Variants in MRTFA observed in about 807,000 individuals in gnomAD.
MRTFA encodes myocardin-related transcription factor A.
In MRTFA, 20 loss-of-function variants were observed where a neutral mutation model predicts 83.5. The ratio of observed to expected loss-of-function variants is 0.24; its 90% CI spans 0.17 to 0.35. MRTFA has a LOEUF of 0.35. MRTFA is among the 10% of genes least tolerant of loss of function. The pLI is 1.00. For missense variants in MRTFA, 1,200 were observed against 1,224.7 expected (o/e 0.98, Z 0.30); for synonymous variants, 659 against 541.2 (o/e 1.22, Z -3.02).
Position 40,421,082 on chromosome 22 carries a change from C to A in MRTFA, c.946G>T (p.Ala316Ser), listed in dbSNP as rs1164552451. The change falls in exon 10 of 15, where the codon GCC becomes TCC. Residue 316 changes from alanine to serine, a missense_variant. This residue lies in a region of MRTFA where 1,107 missense variants were observed against 1,041.8 expected (regional missense o/e 1.06). Transcript: ENST00000355630. ...TTGCTGCGCTGTGACTTCTCACTGGCAGACTTGGGTTGGCTTTGCTGAGGG... is the reference window on the plus strand; with the variant it reads ...TTGCTGCGCTGTGACTTCTCACTGGAAGACTTGGGTTGGCTTTGCTGAGGG... 4.6e-6 allele frequency: 7 copies of A among 1,535,910 alleles called. No individual in the cohort carries two copies. In the East Asian group the frequency reaches 1.6e-4, roughly 35 times the overall value.
chr22:40,571,414 T>C (rs1161359984), intron 2 of MRTFA, among the ~76,000 whole-genome samples: 3 of 152,024 alleles, frequency 2.0e-5, no homozygotes, highest in Non-Finnish European at 2.9e-5. Context: ...AAAAACTAGA[T>C]AAACAGGAGG....
intron 2 of MRTFA, among the ~76,000 whole-genome samples, chr22:40,553,075 G>GC (rs1454243248): frequency 6.6e-6 from 1 of 152,226 alleles, no homozygotes; most frequent in Non-Finnish European, 1.5e-5. Context: ...GTGGCATTTT[G>GC]CCCCTACTCT....
intron 5 of MRTFA, chr22:40,433,640 A>G (rs886625997): frequency 2.0e-5 from 3 of 152,410 alleles, no homozygotes. Context: ...TTCCAACACC[A>G]GAAAAAGAAA....
At chr22:40,513,382 C>T (rs1262398138) in intron 3 of MRTFA, among the ~76,000 whole-genome samples, 1 of 152,094 alleles carries the variant, frequency 6.6e-6, no homozygotes, top group African/African-American at 2.4e-5. Context: ...GGGTGGATGA[C>T]CTGAGATCAG....
At position 40,418,482 on chromosome 22, in the gene MRTFA, C is replaced by G. The variant is rs149398283; in HGVS notation, c.2256G>C (p.Gly752=). ...CGGTGATGAGGGTGGGAGGTGCAAC[C>G]CCCTTGATGAGGCTGGGGCCCTGAG... Residue 752 remains glycine, a synonymous_variant, in exon 12 of 15, where the codon GGG becomes GGC. Transcript: ENST00000355630. 2.4e-4 allele frequency: 382 copies of G among 1,612,602 alleles called. 1 individual carries two copies. Among genetic ancestry groups the G allele is most frequent in the Non-Finnish European group, 3.0e-4 (354 of 1,179,374 alleles).
At chr22:40,474,587 C>T (rs187288096) in intron 3 of MRTFA, among the ~76,000 whole-genome samples, 4 of 152,300 alleles carry the variant, frequency 2.6e-5, no homozygotes, top group Admixed American at 6.5e-5. Flanking sequence ...TCCTTAGCTC[C>T]TTGTCCCAAC....
At position 40,491,534 on chromosome 22, in the gene MRTFA, C is replaced by G. The variant is rs1439795714; in HGVS notation, c.242-28248G>C. On this transcript the variant is annotated intron_variant, in intron 3 of 14. Transcript: ENST00000355630. ...TTATAAACCTTAAAGGGTTATCTAT[C>G]TACTTTCAAGTATTCAACAGACAGA... is the stretch of plus-strand genomic sequence containing the variant. Among the ~76,000 whole-genome samples, 5 of 152,278 alleles carry G rather than the reference C, an allele frequency of 3.3e-5. No individual in the cohort carries two copies. In the East Asian group the frequency reaches 9.6e-4, roughly 29 times the overall value.
Position 40,416,951 on chromosome 22 carries a change from G to A in MRTFA, c.2578+35C>T, listed in dbSNP as rs1602201081. 1 of 1,566,020 alleles carries A rather than the reference G, an allele frequency of 6.4e-7. No individual in the cohort carries two copies. The highest frequency in any genetic ancestry group is 8.7e-7 in the Non-Finnish European group (1 of 1,151,970). ...GCTAGAGACACCTATGAACAGAGAA[G>A]GCCGTCAGGGAGGCAGCAGGGGACC... On this transcript the variant is annotated intron_variant, in intron 14 of 14. Transcript: ENST00000355630. The surrounding 1 kb of genome is among the most constrained non-coding windows in gnomAD (Gnocchi z 4.2).
At chr22:40,531,836 A>G (rs1602393099) in intron 3 of MRTFA, among the ~76,000 whole-genome samples, 1 of 152,212 alleles carries the variant, frequency 6.6e-6, no homozygotes, top group East Asian at 1.9e-4. Context: ...CTTCAGAACA[A>G]AACAGTAGCA....
At chr22:40,425,348 A>G (rs1004681777) in intron 7 of MRTFA, among the ~76,000 whole-genome samples, 6 of 152,370 alleles carry the variant, frequency 3.9e-5, no homozygotes, top group Non-Finnish European at 7.3e-5. Flanking sequence ...TCCATACAGA[A>G]GGAACTGAGG....
chr22:40,548,351 TCC>T, intron 3 of MRTFA, among the ~76,000 whole-genome samples: 1 of 72,770 alleles, frequency 1.4e-5, no homozygotes, highest in African/African-American at 6.6e-5. Context: ...AGAGCAAGAC[TCC>T]GTCTCAAAAA....
intron 3 of MRTFA, among the ~76,000 whole-genome samples, chr22:40,550,219 T>A (rs1295439964): frequency 6.6e-6 from 1 of 152,038 alleles, no homozygotes; most frequent in Non-Finnish European, 1.5e-5. Flanking sequence ...ACGTTTAAAT[T>A]TTTTCATAAT....
At chr22:40,619,611 C>T (rs1454414333) in intron 1 of MRTFA, among the ~76,000 whole-genome samples, 2 of 151,864 alleles carry the variant, frequency 1.3e-5, no homozygotes, top group Admixed American at 6.6e-5. Flanking sequence ...AGAAATTGGC[C>T]GGGTGCGGTG....
At chr22:40,438,071 G>A (rs890661762) in intron 4 of MRTFA, among the ~76,000 whole-genome samples, 1 of 152,282 alleles carries the variant, frequency 6.6e-6, no homozygotes, top group East Asian at 1.9e-4. Context: ...GTTCTCAACC[G>A]GGTTCGAAAC....
intron 1 of MRTFA, among the ~76,000 whole-genome samples, chr22:40,617,137 C>T (rs934621580): frequency 1.6e-5 from 2 of 126,510 alleles, no homozygotes; most frequent in East Asian, 2.5e-4. Context: ...AAGAGAGAGA[C>T]GAGAGAAGGA....
intron 2 of MRTFA, among the ~76,000 whole-genome samples, chr22:40,577,821 G>C (rs2055890155): frequency 6.6e-6 from 1 of 151,252 alleles, no homozygotes; most frequent in African/African-American, 2.4e-5. Context: ...GGTCAGGCTG[G>C]TCTCAAACTC....
chr22:40,436,769 C>A (rs1289701123), intron 4 of MRTFA, among the ~76,000 whole-genome samples: 1 of 152,226 alleles, frequency 6.6e-6, no homozygotes, highest in Non-Finnish European at 1.5e-5. Context: ...AGTTTCACTT[C>A]TCCTGCCCTA....
chr22:40,417,217 G>A, intron 13 of MRTFA, 124 bp downstream of exon 13: 1 of 1,424,816 alleles, frequency 7.0e-7, no homozygotes, highest in South Asian at 1.3e-5. Flanking sequence ...ACTCCCCAAG[G>A]CCTCTCTGAC....
intron 13 of MRTFA, 68 bp downstream of exon 13, chr22:40,417,273 G>GTAGGAGC (rs2052701973): frequency 1.3e-6 from 2 of 1,563,562 alleles, no homozygotes; most frequent in African/African-American, 2.7e-5. Flanking sequence ...GGGTGGGGCT[G>GTAGGAGC]TAGGAGCCTC....
Sources: allele counts gnomAD v4.1 joint callset (sites outside exome capture counted in the v4.1 genomes callset), GRCh38; gene constraint gnomAD v4.1.1; regional missense constraint gnomAD v4.1.1; non-coding constraint Gnocchi (gnomAD v3.1); transcripts MANE v1.5; gene names NCBI Gene and HGNC (gene_info 2026-07-23, HGNC 2026-07-21).